PPP1CC: variants seen among roughly 807,000 people sequenced by gnomAD.
The protein encoded by PPP1CC is serine/threonine-protein phosphatase PP1-gamma catalytic subunit.
A neutral mutation model predicts 38.4 loss-of-function variants in PPP1CC; 16 were observed. The ratio of observed to expected loss-of-function variants is 0.42; its 90% CI spans 0.28 to 0.63. The LOEUF is 0.63. PPP1CC is among the 30% of genes least tolerant of loss of function. The pLI is 0.25. For synonymous variants in PPP1CC, 158 were observed against 136.0 expected (o/e 1.16, Z -1.13); for missense variants, 170 against 391.3 (o/e 0.43, Z 4.77).
At chr12:110,734,300 T>C (rs1042372578) in intron 1 of PPP1CC, among the ~76,000 whole-genome samples, 1 of 152,230 alleles carries the variant, frequency 6.6e-6, no homozygotes, top group African/African-American at 2.4e-5. Context: ...AGTCTTTAAG[T>C]AGTGTTGACT....
chr12:110,725,819 T>C lies in PPP1CC; in HGVS notation c.419-1055A>G, dbSNP rs143906295. ...GCTCACACCTGTAATCCCAGCACTT[T>C]GGGAGGCCGAGGCGGGCAGACCATC... On this transcript the variant is annotated intron_variant, in intron 3 of 6. Transcript: ENST00000335007. 1,034 of 152,474 alleles carry C rather than the reference T, an allele frequency of 6.8e-3. 1 individual carries two copies. Among genetic ancestry groups the C allele is most frequent in the Non-Finnish European group, 9.3e-3 (632 of 68,176 alleles). 9.4% of individuals were successfully genotyped at this position (152,474 alleles called of 1,614,324 possible).
At chr12:110,733,131 T>C (rs2069899955) in intron 1 of PPP1CC, 2 of 150,092 alleles carry the variant, frequency 1.3e-5, no homozygotes, top group African/African-American at 2.4e-5. Flanking sequence ...TAGACACACA[T>C]ACAGAGTTAG....
intron 4 of PPP1CC, 61 bp downstream of exon 4, chr12:110,724,599 T>TA: frequency 1.1e-6 from 1 of 945,862 alleles, no homozygotes; most frequent in Non-Finnish European, 1.7e-6. Flanking sequence ...TCACAAATGT[T>TA]AAAGTGTTCA....
chr12:110,722,782 A>G lies in PPP1CC; in HGVS notation c.524-87T>C. On this transcript the variant is annotated intron_variant, in intron 4 of 6. Transcript: ENST00000335007. This position sits in a 1 kb window ranked among gnomAD's most constrained non-coding sequence, Gnocchi z 5.4. ...TCAAAAGTTCCATTTGTCTACAGAG[A>G]AATTCAATAATCCTGACATAAAAAC... The G allele has an allele frequency of 1.0e-6, 1 of 969,004 alleles. No individual in the cohort carries two copies. 60.0% of individuals were successfully genotyped at this position (969,004 alleles called of 1,614,324 possible).
At chr12:110,728,415 C>CAAAAAAAA (rs1310771123) in intron 3 of PPP1CC, among the ~76,000 whole-genome samples, 1 of 139,514 alleles carries the variant, frequency 7.2e-6, no homozygotes, top group Non-Finnish European at 1.6e-5. Context: ...AAAAAAAAAA[C>CAAAAAAAA]AAAAAACAAA....
In PPP1CC at chr12:110,730,705, A is replaced by T; in HGVS notation, c.242T>A (p.Phe81Tyr). 1 of 1,614,062 alleles carries T rather than the reference A, an allele frequency of 6.2e-7. No individual in the cohort carries two copies. Among genetic ancestry groups the T allele is most frequent in the Non-Finnish European group, 8.5e-7 (1 of 1,179,986 alleles). The change falls in exon 3 of 7, where the codon TTC becomes TAC. Residue 81 changes from phenylalanine (F) to tyrosine (Y), a missense_variant. By Grantham distance (22) the Phe-to-Tyr change is conservative. This residue lies in a region of PPP1CC where 117 missense variants were observed against 344.4 expected (regional missense o/e 0.34). Transcript: ENST00000335007. ...DLLRLFEYGG[F>Y]PPESNYLFLG... is the part of the protein sequence containing the mutation. Reference sequence around the variant, plus strand: ...AAACAGGTAGTTGCTTTCTGGTGGGAAACCACCGTACTCAAAAAGTCGCAG... The same window carrying T: ...AAACAGGTAGTTGCTTTCTGGTGGGTAACCACCGTACTCAAAAAGTCGCAG...
Position 110,722,335 on chromosome 12 carries a change from T to G in PPP1CC, c.748-66A>C. On this transcript the variant is annotated intron_variant, in intron 5 of 6. Transcript: ENST00000335007. The surrounding 1 kb of genome is among the most constrained non-coding windows in gnomAD (Gnocchi z 5.4). ...TTAGGTGAGTAAAACCATGTTTCAG[T>G]TTCCCATTGAGCCTGATATCTTGTG... The G allele has an allele frequency of 6.3e-7, 1 of 1,584,410 alleles. No homozygotes were observed.
At chr12:110,709,966 A>AATAATAATAAT in the PPP1CC span, among the ~76,000 whole-genome samples, 36 of 142,720 alleles carry the variant, frequency 2.5e-4, no homozygotes, top group African/African-American at 8.7e-4. Flanking sequence ...TAATAATAAT[A>AATAATAATAAT]ATAATAATAA....
chr12:110,715,217 T>C (rs546599004), downstream of PPP1CC, among the ~76,000 whole-genome samples: 108 of 152,262 alleles, frequency 7.1e-4, 1 homozygote, highest in African/African-American at 2.5e-3. Flanking sequence ...GCACCAAATA[T>C]GCATTTTGGC....
intron 1 of PPP1CC, chr12:110,732,150 G>A (rs538309116): frequency 1.0e-4 from 57 of 553,312 alleles, no homozygotes; most frequent in East Asian, 8.8e-5. Flanking sequence ...CTGTCTGTGC[G>A]AATGCTGTTA....
rs1416370672 is a variant in PPP1CC at position 110,742,800 on chromosome 12, T to TGGTGGCGGC, written c.-102_-94dup. 4 of 1,106,582 alleles carry TGGTGGCGGC rather than the reference T, an allele frequency of 3.6e-6. No individual in the cohort carries two copies. Among genetic ancestry groups the TGGTGGCGGC allele is most frequent in the Admixed American group, 8.5e-5 (2 of 23,568 alleles). 68.5% of individuals were successfully genotyped at this position (1,106,582 alleles called of 1,614,324 possible). A position where few individuals can be genotyped will look rare whatever the true frequency, so the allele number is the denominator to read the frequency against. On this transcript the variant is annotated 5_prime_UTR_variant, in exon 1 of 7. Transcript: ENST00000335007. The stretch of plus-strand genomic sequence containing the variant: ...TTTCCCACGCCACGAGCAGAGGCGG[T>TGGTGGCGGC]GGTGGCGGCGGTGGCAGCAGCCGCG...
intron 3 of PPP1CC, among the ~76,000 whole-genome samples, chr12:110,727,975 C>G (rs1161335163): frequency 1.3e-5 from 2 of 152,122 alleles, no homozygotes; most frequent in Admixed American, 6.5e-5. Context: ...TAAGTAGAAA[C>G]CGAAACTGAT....
intron 3 of PPP1CC, among the ~76,000 whole-genome samples, chr12:110,727,646 T>C (rs2069815603): frequency 6.6e-6 from 1 of 151,520 alleles, no homozygotes; most frequent in Non-Finnish European, 1.5e-5. Flanking sequence ...TAGTATAAAG[T>C]ACTTATGTAC....
chr12:110,742,619 G>T, intron 1 of PPP1CC, 34 bp downstream of exon 1: 2 of 1,230,172 alleles, frequency 1.6e-6, no homozygotes, highest in Non-Finnish European at 2.1e-6. Context: ...CCTCAGGCCC[G>T]CCTCCCCCTT....
intron 3 of PPP1CC, chr12:110,726,418 A>C (rs2069799945): frequency 6.6e-6 from 1 of 152,132 alleles, no homozygotes; most frequent in South Asian, 2.1e-4. Context: ...GGGGTTCGGA[A>C]AGTTTAACAA....
chr12:110,708,578 G>A, the PPP1CC span, among the ~76,000 whole-genome samples: 1 of 152,116 alleles, frequency 6.6e-6, no homozygotes, highest in Non-Finnish European at 1.5e-5. Context: ...TCTGGGCATG[G>A]TGGCTTACAC....
chr12:110,722,514 A>ATCC lies in PPP1CC; in HGVS notation c.704_705insGGA (p.Phe235delinsLeuAsp), dbSNP rs776406474. On this transcript the variant is annotated protein_altering_variant, in exon 5 of 7. Coordinates refer to ENST00000335007, the MANE Select transcript of PPP1CC (RefSeq NM_002710.4). This position sits in a 1 kb window ranked among gnomAD's most constrained non-coding sequence, Gnocchi z 5.4. ...TAAGATCCAAATCATGCTTATGGAG[A>ATCC]AATTTTGCAACCACTTCTGCACCAA... 6.2e-7 allele frequency: 1 copy of ATCC among 1,614,222 alleles called. No individual in the cohort carries two copies. The highest frequency in any genetic ancestry group is 8.5e-7 in the Non-Finnish European group (1 of 1,180,042).
At chr12:110,727,310 C>T (rs16940970) in intron 3 of PPP1CC, among the ~76,000 whole-genome samples, 30,067 of 152,166 alleles carry the variant, frequency 0.2, 3,335 homozygotes, top group Admixed American at 0.29. Context: ...GCTGGCTTCT[C>T]CATCAAAAAT....
chr12:110,711,543 TTAAG>T, the PPP1CC span, among the ~76,000 whole-genome samples: 1 of 152,286 alleles, frequency 6.6e-6, no homozygotes, highest in South Asian at 2.1e-4. Context: ...ACACGGGCTC[TTAAG>T]TTATTGGTAA....
Sources: allele counts gnomAD v4.1 joint callset (sites outside exome capture counted in the v4.1 genomes callset), GRCh38; gene constraint gnomAD v4.1.1; regional missense constraint gnomAD v4.1.1; non-coding constraint Gnocchi (gnomAD v3.1); transcripts MANE v1.5; gene names NCBI Gene and HGNC (gene_info 2026-07-23, HGNC 2026-07-21).